The following CLDN10 variants were observed in gnomAD, a reference collection of about 807,000 sequenced individuals.
CLDN10 encodes claudin-10.
Under a neutral mutation model 22.9 loss-of-function variants are expected in CLDN10, and 15 were observed. That is an observed-to-expected ratio of 0.65 (90% CI 0.44 to 1.01). The LOEUF (loss-of-function observed/expected upper bound fraction) is 1.01, where lower values mean the gene tolerates loss of function less well. Ranked by LOEUF, CLDN10 falls within the 50% of genes least tolerant of loss-of-function variation. CLDN10 has a pLI of 0.00. For synonymous variants in CLDN10, 114 were observed against 111.4 expected, an observed-to-expected ratio of 1.02 and a Z score of -0.15; for missense variants, 247 against 287.8, an observed-to-expected ratio of 0.86 and a Z score of 1.03.
At chr13:95,529,415 T>C (rs529755223) in intron 1 of CLDN10, among the ~76,000 whole-genome samples, 2 of 152,282 alleles carry the variant, frequency 1.3e-5, no homozygotes, top group African/African-American at 4.8e-5. Context: ...CCCTGTTACA[T>C]AGAAAACAGG....
intron 1 of CLDN10, among the ~76,000 whole-genome samples, chr13:95,503,528 A>G (rs2043007339): frequency 6.6e-6 from 1 of 152,180 alleles, no homozygotes; most frequent in Non-Finnish European, 1.5e-5. Flanking sequence ...TCTCAAAGAG[A>G]TATTTGTACA....
chr13:95,444,697 T>A (rs1160163900), intron 1 of CLDN10, among the ~76,000 whole-genome samples: 1 of 152,234 alleles, frequency 6.6e-6, no homozygotes, highest in African/African-American at 2.4e-5. Flanking sequence ...AATTATTAAC[T>A]GCATGTTTCT....
intron 1 of CLDN10, among the ~76,000 whole-genome samples, chr13:95,510,374 A>G (rs2043083643): frequency 6.6e-6 from 1 of 152,212 alleles, no homozygotes; most frequent in South Asian, 2.1e-4. Context: ...CTCTGAGCAC[A>G]CTTTAAAGTT....
intron 1 of CLDN10, among the ~76,000 whole-genome samples, chr13:95,449,893 G>A (rs1182807139): frequency 1.3e-5 from 2 of 151,966 alleles, no homozygotes; most frequent in Admixed American, 6.6e-5. Context: ...ACAGGCGCCC[G>A]CCACCACGCC....
rs34473629 is a variant in CLDN10, at chr13:95,563,095, A to ACTCTCTCTCTCTCT, written c.464+2659_464+2672dup. ...TTTCTCTTTCTGTCTCTGCCTACCC[A>ACTCTCTCTCTCTCT]CTCTCTCTCTCTCTCTCTCTCTCTC... On this transcript the variant is annotated intron_variant, in intron 3 of 4. Coordinates refer to ENST00000299339, the MANE Select transcript of CLDN10 (RefSeq NM_006984.5). Among the ~76,000 whole-genome samples the ACTCTCTCTCTCTCT allele has an allele frequency of 4.9e-3, 627 of 128,098 alleles. 3 individuals carry two copies. Among genetic ancestry groups the ACTCTCTCTCTCTCT allele is most frequent in the Non-Finnish European group, 6.9e-3 (423 of 61,400 alleles). 84.0% of individuals were successfully genotyped at this position (128,098 alleles called of 152,430 possible).
intron 1 of CLDN10, among the ~76,000 whole-genome samples, chr13:95,529,057 T>G (rs2043314291): frequency 6.6e-6 from 1 of 152,158 alleles, no homozygotes; most frequent in Non-Finnish European, 1.5e-5. Context: ...TGTTGTTGTT[T>G]TTAATGTAGA....
At chr13:95,468,895 G>A (rs2042604130) in intron 1 of CLDN10, among the ~76,000 whole-genome samples, 1 of 152,026 alleles carries the variant, frequency 6.6e-6, no homozygotes, top group Non-Finnish European at 1.5e-5. Context: ...AGGATAGAAG[G>A]TTTTTATTTA....
In CLDN10 at chr13:95,490,462, G is replaced by C. The variant is rs564513371; in HGVS notation, c.214+56415G>C. Among the ~76,000 whole-genome samples the C allele has an allele frequency of 1.2e-4, 18 of 152,110 alleles. 1 individual carries two copies. Among genetic ancestry groups the C allele is most frequent in the Non-Finnish European group, 1.9e-4 (13 of 68,002 alleles). ...TGTATCCCAGGGGTTTTGATAGGCT[G>C]TGTCATTATTGTCATTCAGTTCAAA... is the stretch of plus-strand genomic sequence containing the variant. On this transcript the variant is annotated intron_variant, in intron 1 of 4. Coordinates refer to the CLDN10 transcript ENST00000376873.
chr13:95,471,815 G>A (rs1216587164), intron 1 of CLDN10, among the ~76,000 whole-genome samples: 2 of 151,768 alleles, frequency 1.3e-5, no homozygotes, highest in South Asian at 4.2e-4. Context: ...GTGCAGGGGC[G>A]CCATCACAGC....
intron 1 of CLDN10, among the ~76,000 whole-genome samples, chr13:95,534,449 T>C (rs958578004): frequency 1.3e-5 from 2 of 152,210 alleles, no homozygotes; most frequent in Admixed American, 6.5e-5. Flanking sequence ...AGCTTAACTA[T>C]ACTCCTGTCA....
At chr13:95,458,212 A>C (rs1594532159) in intron 1 of CLDN10, among the ~76,000 whole-genome samples, 1 of 152,310 alleles carries the variant, frequency 6.6e-6, no homozygotes, top group East Asian at 1.9e-4. Flanking sequence ...ATGACATCCC[A>C]TTGGTCAAAG....
At chr13:95,491,794 C>T (rs2042874314) in intron 1 of CLDN10, among the ~76,000 whole-genome samples, 1 of 152,142 alleles carries the variant, frequency 6.6e-6, no homozygotes, top group Admixed American at 6.5e-5. Flanking sequence ...CTTGGATAGG[C>T]TCTGTCAGAG....
chr13:95,525,560 G>A (rs562488257), intron 1 of CLDN10, among the ~76,000 whole-genome samples: 65 of 151,998 alleles, frequency 4.3e-4, no homozygotes, highest in Non-Finnish European at 8.4e-4. Context: ...TGGCGTAATC[G>A]TGGCTCACTG....
chr13:95,522,048 C>CTTCTCT, intron 1 of CLDN10, among the ~76,000 whole-genome samples: 1 of 151,950 alleles, frequency 6.6e-6, no homozygotes, highest in East Asian at 1.9e-4. Context: ...TGTGCTGCTT[C>CTTCTCT]TTTTCTTTTT....
intron 1 of CLDN10, among the ~76,000 whole-genome samples, chr13:95,462,096 A>C (rs2042541701): frequency 6.6e-6 from 1 of 152,210 alleles, no homozygotes; most frequent in Non-Finnish European, 1.5e-5. Context: ...ACCCTGTCTC[A>C]AAAATAAAAA....
At chr13:95,472,244 C>G (rs1233396577) in intron 1 of CLDN10, among the ~76,000 whole-genome samples, 1 of 152,114 alleles carries the variant, frequency 6.6e-6, no homozygotes, top group Non-Finnish European at 1.5e-5. Flanking sequence ...TAGCAAGCAG[C>G]CCTCCCACTA....
At chr13:95,539,766 C>T (rs2043439925) in intron 1 of CLDN10, among the ~76,000 whole-genome samples, 2 of 152,152 alleles carry the variant, frequency 1.3e-5, no homozygotes, top group African/African-American at 2.4e-5. Context: ...TTTCAGCTCC[C>T]ATAGTTATAA....
chr13:95,443,242 T>C (rs1566646585), intron 1 of CLDN10, among the ~76,000 whole-genome samples: 1 of 152,200 alleles, frequency 6.6e-6, no homozygotes, highest in East Asian at 1.9e-4. Flanking sequence ...ATCCCTGGCA[T>C]TTGCCCTTGT....
At chr13:95,490,301 CTTTTGGCAGTATGGTCA>C (rs1201973835) in intron 1 of CLDN10, among the ~76,000 whole-genome samples, 2 of 152,098 alleles carry the variant, frequency 1.3e-5, no homozygotes, top group Admixed American at 6.6e-5. Context: ...TTGTAGATTG[CTTTTGGCAGTATGGTCA>C]TTTTCACAAT....
Sources: gnomAD v4.1 joint callset for allele counts (sites outside exome capture counted in the v4.1 genomes callset) on GRCh38, gnomAD v4.1.1 for gene constraint, MANE v1.5 for transcripts, NCBI Gene and HGNC (gene_info 2026-07-23, HGNC 2026-07-21) for gene names.